Variants in MAPK10 observed in about 807,000 individuals in gnomAD.
MAPK10 encodes the protein JNK3 alpha protein kinase.
In MAPK10, 25 loss-of-function variants were observed where a neutral mutation model predicts 59.3. The observed-to-expected ratio is 0.42, with a 90% CI of 0.31 to 0.59. The LOEUF is 0.59. MAPK10 is among the 20% of genes least tolerant of loss of function. The pLI is 0.15. For synonymous variants in MAPK10, 190 were observed against 200.5 expected, an observed-to-expected ratio of 0.95 and a Z score of 0.44; for missense variants, 351 against 568.9, an observed-to-expected ratio of 0.62 and a Z score of 3.90.
At chr4:86,438,818 G>A (rs750166042) in intron 1 of MAPK10, among the ~76,000 whole-genome samples, 6 of 152,154 alleles carry the variant, frequency 3.9e-5, no homozygotes, top group Non-Finnish European at 8.8e-5. Flanking sequence ...AGGAAGAAAG[G>A]AGGGAGGGGT....
At chr4:86,059,678 T>TTGCTTGTTATTTTGGCTGGAAGG (rs1362083216) in intron 11 of MAPK10, among the ~76,000 whole-genome samples, 13 of 152,282 alleles carry the variant, frequency 8.5e-5, no homozygotes, top group African/African-American at 2.9e-4. Context: ...CTGGCCCTGT[T>TTGCTTGTTATTTTGGCTGGAAGG]TACCAAATCA....
At chr4:86,361,093 A>G (rs948682465), upstream of MAPK10, among the ~76,000 whole-genome samples, 2 of 152,208 alleles carry the variant, frequency 1.3e-5, no homozygotes, top group Non-Finnish European at 2.9e-5. Flanking sequence ...GCATACTTAT[A>G]TGAATATGAA....
intron 2 of MAPK10, among the ~76,000 whole-genome samples, chr4:86,328,869 AG>A (rs932126256): frequency 1.3e-5 from 2 of 152,094 alleles, no homozygotes; most frequent in Non-Finnish European, 2.9e-5. Context: ...GAGCAAAGGG[AG>A]GGAGAGCATC....
chr4:86,074,453 T>C (rs1259442418), intron 9 of MAPK10, among the ~76,000 whole-genome samples: 1 of 151,054 alleles, frequency 6.6e-6, no homozygotes, highest in East Asian at 2.0e-4. Flanking sequence ...TAGCTGGTGA[T>C]TTTGCTCGTT....
At chr4:86,282,608 T>A (rs2148801911) in intron 2 of MAPK10, among the ~76,000 whole-genome samples, 1 of 152,302 alleles carries the variant, frequency 6.6e-6, no homozygotes, top group South Asian at 2.1e-4. Context: ...ATTTAAAATT[T>A]TCCCTGGCAC....
chr4:86,305,571 C>A (rs1490104393), intron 2 of MAPK10, among the ~76,000 whole-genome samples: 2 of 152,114 alleles, frequency 1.3e-5, no homozygotes, highest in African/African-American at 4.8e-5. Flanking sequence ...GTAATCCCAG[C>A]ACTTTGGGAG....
chr4:86,356,995 A>C (rs1453332219), intron 1 of MAPK10: 2 of 152,192 alleles, frequency 1.3e-5, no homozygotes, highest in African/African-American at 4.8e-5. Flanking sequence ...ACTACTGGAC[A>C]CTTCCGTGCC....
intron 2 of MAPK10, among the ~76,000 whole-genome samples, chr4:86,342,861 CCT>C (rs1228294380): frequency 6.6e-6 from 1 of 152,156 alleles, no homozygotes; most frequent in Non-Finnish European, 1.5e-5. Context: ...GCTCATCCTG[CCT>C]CTCTTACCTC....
intron 4 of MAPK10, among the ~76,000 whole-genome samples, chr4:86,134,828 G>A (rs189997958): frequency 9.2e-5 from 14 of 152,296 alleles, no homozygotes; most frequent in East Asian, 5.8e-4. Flanking sequence ...GTGGGTGCAC[G>A]CACCATGCAC....
chr4:86,477,121 T>G (rs890131954), intron 1 of MAPK10, among the ~76,000 whole-genome samples: 2 of 152,026 alleles, frequency 1.3e-5, no homozygotes, highest in African/African-American at 4.8e-5. Context: ...TCTAGATAAC[T>G]CTCACAGTGG....
At chr4:86,372,556 G>GAA (rs1554253715) in intron 1 of MAPK10, among the ~76,000 whole-genome samples, 2 of 11,182 alleles carry the variant, frequency 1.8e-4, no homozygotes. Context: ...AAGAAAGAAA[G>GAA]AAAGAAAGAA....
chr4:86,297,019 C>G (rs2095377366), intron 2 of MAPK10, among the ~76,000 whole-genome samples: 1 of 152,124 alleles, frequency 6.6e-6, no homozygotes, highest in African/African-American at 2.4e-5. Flanking sequence ...CCTGGCCTGC[C>G]CTCAGAGGTT....
chr4:86,483,170 C>T (rs950723025), intron 1 of MAPK10, among the ~76,000 whole-genome samples: 16 of 152,138 alleles, frequency 1.1e-4, no homozygotes, highest in Non-Finnish European at 2.2e-4. Context: ...ATTGGTAAAC[C>T]GTACCCCTCT....
chr4:86,217,195 G>A (rs1251401919), intron 2 of MAPK10, among the ~76,000 whole-genome samples: 1 of 152,084 alleles, frequency 6.6e-6, no homozygotes, highest in Non-Finnish European at 1.5e-5. Flanking sequence ...TTGCCTCTTA[G>A]GAATTGACAT....
chr4:86,381,236 C>T (rs1740662094), intron 1 of MAPK10, among the ~76,000 whole-genome samples: 1 of 152,130 alleles, frequency 6.6e-6, no homozygotes, highest in Non-Finnish European at 1.5e-5. Context: ...CACATGCATG[C>T]CTCCCCTTCA....
chr4:86,395,660 G>C (rs1742809201), intron 1 of MAPK10, among the ~76,000 whole-genome samples: 1 of 152,172 alleles, frequency 6.6e-6, no homozygotes, highest in Admixed American at 6.5e-5. Context: ...TAGACTGGTG[G>C]CTTAAAGGAG....
intron 2 of MAPK10, chr4:86,340,467 C>T (rs1724258745): frequency 1.3e-5 from 2 of 152,166 alleles, no homozygotes; most frequent in South Asian, 2.1e-4. Flanking sequence ...GAGGGAAGTG[C>T]TACACTTTTA....
chr4:86,557,079 C>T (rs1387676961), intron 1 of MAPK10, among the ~76,000 whole-genome samples: 2 of 151,846 alleles, frequency 1.3e-5, no homozygotes, highest in Non-Finnish European at 2.9e-5. Flanking sequence ...TGGTTAATTC[C>T]ATGGCTATCA....
intron 1 of MAPK10, among the ~76,000 whole-genome samples, chr4:86,372,028 G>A (rs367867349): frequency 2.0e-5 from 3 of 152,074 alleles, no homozygotes; most frequent in East Asian, 3.9e-4. Context: ...TGCACCAAGT[G>A]GACCTAATAG....
Sources: allele counts gnomAD v4.1 joint callset (sites outside exome capture counted in the v4.1 genomes callset), GRCh38; gene constraint gnomAD v4.1.1; transcripts MANE v1.5; gene names NCBI Gene and HGNC (gene_info 2026-07-23, HGNC 2026-07-21).